The following ATP10B variants were observed in gnomAD, a reference collection of about 807,000 sequenced individuals.
ATP10B encodes phospholipid-transporting ATPase VB.
A neutral mutation model predicts 141.2 loss-of-function variants in ATP10B; 122 were observed. The ratio of observed to expected loss-of-function variants is 0.86; its 90% CI spans 0.75 to 1.00. The LOEUF (loss-of-function observed/expected upper bound fraction) is 1.00, where lower values mean the gene tolerates loss of function less well. Ranked by LOEUF, ATP10B falls within the 50% of genes least tolerant of loss-of-function variation. The pLI, the probability that ATP10B is intolerant of heterozygous loss-of-function variation, is 0.00. For missense variants in ATP10B, 1,876 were observed against 1,825.3 expected (o/e 1.03, Z -0.51); for synonymous variants, 685 against 692.0 (o/e 0.99, Z 0.16).
chr5:160,883,665 T>G, the ATP10B span, among the ~76,000 whole-genome samples: 1 of 152,140 alleles, frequency 6.6e-6, no homozygotes, highest in Non-Finnish European at 1.5e-5. Flanking sequence ...TTTAAAGAAT[T>G]AGTGAAATGA....
chr5:160,640,422 C>A, intron 10 of ATP10B, 39 bp downstream of exon 10: 1 of 1,593,754 alleles, frequency 6.3e-7, no homozygotes, highest in South Asian at 1.1e-5. Flanking sequence ...CCAAATAAAT[C>A]GATTACTGTG....
the ATP10B span, among the ~76,000 whole-genome samples, chr5:160,895,842 AAC>A: frequency 6.6e-6 from 1 of 152,154 alleles, no homozygotes; most frequent in African/African-American, 2.4e-5. Flanking sequence ...AATCATAACA[AAC>A]AGTCTCTTAG....
intron 22 of ATP10B, among the ~76,000 whole-genome samples, chr5:160,593,160 CA>C (rs1167985407): frequency 6.6e-6 from 1 of 152,224 alleles, no homozygotes; most frequent in Non-Finnish European, 1.5e-5. Context: ...AACTGGGAGG[CA>C]CCCCCTCAGT....
intron 10 of ATP10B, 62 bp downstream of exon 10, chr5:160,640,399 T>C (rs2127674157): frequency 6.4e-7 from 1 of 1,571,146 alleles, no homozygotes; most frequent in Non-Finnish European, 8.7e-7. Context: ...ATGAGGAAGC[T>C]GAAGAAACTT....
In ATP10B at chr5:160,653,645, T is replaced by TAC. The variant is rs1385550333; in HGVS notation, c.676-4390_676-4389insGT. ...TATTATATATACATATATACATATA[T>TAC]ATTATATATACATATATACATATAT... On this transcript the variant is annotated intron_variant, in intron 7 of 25. Coordinates refer to ENST00000327245, the MANE Select transcript of ATP10B (RefSeq NM_025153.3). 2.1e-3 allele frequency among the ~76,000 whole-genome samples: 128 copies of TAC among 59,704 alleles called. 4 individuals are homozygous for TAC. The highest frequency in any genetic ancestry group is 3.5e-3 in the Non-Finnish European group (113 of 32,386). 39.2% of individuals were successfully genotyped at this position (59,704 alleles called of 152,430 possible). A position where few individuals can be genotyped will look rare whatever the true frequency, so the allele number is the denominator to read the frequency against.
chr5:160,637,060 C>CCATCCATCCATCCATT, intron 10 of ATP10B, among the ~76,000 whole-genome samples: 1 of 143,608 alleles, frequency 7.0e-6, no homozygotes, highest in South Asian at 2.5e-4. Context: ...ATCCATCCAT[C>CCATCCATCCATCCATT]CATCCATCCA....
At chr5:160,894,603 G>C in the ATP10B span, among the ~76,000 whole-genome samples, 3 of 152,146 alleles carry the variant, frequency 2.0e-5, no homozygotes, top group Non-Finnish European at 2.9e-5. Flanking sequence ...GTGATGGGGA[G>C]AATGGAACCA....
At chr5:160,598,662 G>T in intron 22 of ATP10B, 108 bp downstream of exon 22, 2 of 935,578 alleles carry the variant, frequency 2.1e-6, no homozygotes, top group Non-Finnish European at 3.3e-6. Context: ...TGGTCAGAAT[G>T]CAGGCTTCTG....
intron 6 of ATP10B, among the ~76,000 whole-genome samples, chr5:160,681,552 G>A (rs1763400910): frequency 6.6e-6 from 1 of 152,158 alleles, no homozygotes; most frequent in African/African-American, 2.4e-5. Context: ...GGAGTTTGAA[G>A]AGGACAGCTC....
upstream of ATP10B, among the ~76,000 whole-genome samples, chr5:160,854,021 T>C (rs147587661): frequency 3.5e-3 from 527 of 152,256 alleles, 1 homozygote; most frequent in African/African-American, 0.011. Context: ...GTGTGTCATG[T>C]CTAGCTTTTG....
At position 160,824,587 on chromosome 5, in the gene ATP10B, T is replaced by C. The variant is rs192722561; in HGVS notation, c.-576+27354A>G. Among the ~76,000 whole-genome samples, 6 of 152,320 alleles carry C rather than the reference T, an allele frequency of 3.9e-5. No individual in the cohort carries two copies. The East Asian group carries it at 9.6e-4, about 24-fold the overall frequency. On this transcript the variant is annotated intron_variant, in intron 1 of 25. Coordinates refer to ENST00000327245, the MANE Select transcript of ATP10B (RefSeq NM_025153.3). The stretch of plus-strand genomic sequence containing the variant: ...TACAAACCTAGATGGTGTAGCCTAC[T>C]ACACACCTAGGGTATATGATATAGC...
intron 5 of ATP10B, chr5:160,687,043 C>CT (rs1435080835): frequency 2.6e-6 from 2 of 769,444 alleles, no homozygotes; most frequent in African/African-American, 3.8e-5. Flanking sequence ...ATTCTGCTGA[C>CT]TTCTGTCCAT....
the ATP10B span, among the ~76,000 whole-genome samples, chr5:160,857,471 A>G: frequency 6.6e-6 from 1 of 151,724 alleles, no homozygotes; most frequent in Non-Finnish European, 1.5e-5. Flanking sequence ...TGATCTTTTA[A>G]AAGAACCAGC....
intron 1 of ATP10B, among the ~76,000 whole-genome samples, chr5:160,806,418 C>T (rs1772773006): frequency 6.6e-6 from 1 of 152,186 alleles, no homozygotes; most frequent in African/African-American, 2.4e-5. Flanking sequence ...CAGACAGATC[C>T]TGCCATCTTT....
Position 160,563,884 on chromosome 5 carries a change from C to T in ATP10B, c.*1569G>A, listed in dbSNP as rs1464977446. The T allele has an allele frequency of 2.6e-5, 4 of 152,204 alleles. No homozygotes were observed. Among genetic ancestry groups the T allele is most frequent in the Non-Finnish European group, 5.9e-5 (4 of 68,050 alleles). The allele number at this position is 152,204 out of a possible 1,614,324, so 9.4% of individuals were successfully genotyped here. On this transcript the variant is annotated 3_prime_UTR_variant, in exon 26 of 26. Transcript: ENST00000327245. Reference sequence around the variant, plus strand: ...TATTGGGCAATCCTCATGCAGGATTCCTCCAAATACCCACCAGCTGGCTAG... The same window carrying T: ...TATTGGGCAATCCTCATGCAGGATTTCTCCAAATACCCACCAGCTGGCTAG...
intron 1 of ATP10B, among the ~76,000 whole-genome samples, chr5:160,803,855 GTTAT>G (rs761847433): frequency 1.3e-4 from 20 of 152,010 alleles, no homozygotes; most frequent in Admixed American, 2.0e-4. Flanking sequence ...ATTTATATTT[GTTAT>G]TTATTTAACT....
intron 24 of ATP10B, among the ~76,000 whole-genome samples, chr5:160,588,916 T>A (rs1275033952): frequency 6.6e-6 from 1 of 152,170 alleles, no homozygotes; most frequent in African/African-American, 2.4e-5. Flanking sequence ...TTTCTAATCA[T>A]TCACCCTAAA....
the ATP10B span, among the ~76,000 whole-genome samples, chr5:160,916,051 T>A: frequency 1.3e-5 from 2 of 152,130 alleles, no homozygotes; most frequent in African/African-American, 2.4e-5. Context: ...TGGGGGTTGA[T>A]CCCCTCCTCC....
At chr5:160,776,524 C>G (rs901340258) in intron 2 of ATP10B, among the ~76,000 whole-genome samples, 8 of 152,136 alleles carry the variant, frequency 5.3e-5, no homozygotes, top group Non-Finnish European at 1.0e-4. Context: ...GCTGGTGTAA[C>G]TGATATTTAC....
Sources: allele counts gnomAD v4.1 joint callset (sites outside exome capture counted in the v4.1 genomes callset), GRCh38; gene constraint gnomAD v4.1.1; transcripts MANE v1.5; gene names NCBI Gene and HGNC (gene_info 2026-07-23, HGNC 2026-07-21).